The following ABCC8 variants were observed in gnomAD, a reference collection of about 807,000 sequenced individuals.
ABCC8 encodes the protein ATP binding cassette subfamily C member 8.
A neutral mutation model predicts 188.0 loss-of-function variants in ABCC8; 137 were observed. The ratio of observed to expected loss-of-function variants is 0.73; its 90% CI spans 0.63 to 0.84. The LOEUF (loss-of-function observed/expected upper bound fraction) is 0.84. Ranked by LOEUF, ABCC8 falls within the 40% of genes least tolerant of loss-of-function variation. The pLI is 0.00. For synonymous variants in ABCC8, 797 were observed against 846.5 expected (o/e 0.94, Z 1.01); for missense variants, 1,750 against 2,072.7 (o/e 0.84, Z 3.02).
chr11:17,416,081 C>T lies in ABCC8; in HGVS notation c.2256-742G>A, dbSNP rs946512347. Among the ~76,000 whole-genome samples the T allele has an allele frequency of 2.0e-5, 3 of 152,206 alleles. 1 individual carries two copies. The highest frequency in any genetic ancestry group is 2.0e-4 in the Admixed American group (3 of 15,290). ...CAGAGGCTGAGCCTGTCATCACATA[C>T]TGACAGTTGGGGACAAGGAGGGAGA... On this transcript the variant is annotated intron_variant, in intron 17 of 38. Transcript: ENST00000389817.
At chr11:17,463,883 A>G (rs1208510376) in intron 3 of ABCC8, among the ~76,000 whole-genome samples, 1 of 152,228 alleles carries the variant, frequency 6.6e-6, no homozygotes, top group Non-Finnish European at 1.5e-5. Context: ...AAGAATGGGA[A>G]ATTTATTTAT....
intron 3 of ABCC8, among the ~76,000 whole-genome samples, chr11:17,469,068 C>A (rs543787535): frequency 7.6e-6 from 1 of 131,426 alleles, no homozygotes; most frequent in Non-Finnish European, 1.6e-5. Context: ...CTCCCTCCCT[C>A]CCTTCCCTCC....
At chr11:17,413,946 A>G (rs527253569) in intron 19 of ABCC8, among the ~76,000 whole-genome samples, 1 of 152,272 alleles carries the variant, frequency 6.6e-6, no homozygotes, top group Admixed American at 6.5e-5. Context: ...TATGTTGGTG[A>G]CAAACATGTA....
At chr11:17,425,725 G>A (rs1955549939) in intron 16 of ABCC8, among the ~76,000 whole-genome samples, 2 of 151,934 alleles carry the variant, frequency 1.3e-5, no homozygotes, top group South Asian at 4.2e-4. Context: ...TGGGATATAC[G>A]TGCAGAACGT....
In ABCC8 at chr11:17,413,467, A is replaced by T; in HGVS notation, c.2402T>A (p.Val801Asp). The T allele has an allele frequency of 6.2e-7, 1 of 1,613,928 alleles. No individual in the cohort carries two copies. Among genetic ancestry groups the T allele is most frequent in the Admixed American group, 1.7e-5 (1 of 60,020 alleles). ...SPFNKQRYKM[V>D]IEACSLQPDI... Reference sequence around the variant, plus strand: ...TGGCTGCAGAGAGCAGGCTTCAATGACCATCTTGTACCTGGCGTGGGTAGA... The same window carrying T: ...TGGCTGCAGAGAGCAGGCTTCAATGTCCATCTTGTACCTGGCGTGGGTAGA... Residue 801 changes from valine to aspartate, a missense_variant, in exon 20 of 39, where the codon GTC becomes GAC. Coordinates refer to ENST00000389817, the MANE Select transcript of ABCC8 (RefSeq NM_000352.6).
At chr11:17,436,057 C>T in intron 10 of ABCC8, 1 of 979,114 alleles carries the variant, frequency 1.0e-6, no homozygotes, top group African/African-American at 1.6e-5. Flanking sequence ...GTTCTTATTC[C>T]AGAACTGCTC....
Position 17,404,918 on chromosome 11 carries a change from C to T in ABCC8, c.3400-249G>A, listed in dbSNP as rs529326046. On this transcript the variant is annotated intron_variant, in intron 27 of 38. Transcript: ENST00000389817. This position sits in a 1 kb window ranked among gnomAD's most constrained non-coding sequence, Gnocchi z 4.7. ...TTGGGATTACAGGCACCTGCCACCACACCTGGCTAATTTTTGTATTTTTAA... is the reference window on the plus strand; with the variant it reads ...TTGGGATTACAGGCACCTGCCACCATACCTGGCTAATTTTTGTATTTTTAA... Among the ~76,000 whole-genome samples, 6 of 152,216 alleles carry T rather than the reference C, an allele frequency of 3.9e-5. No individual in the cohort carries two copies. The highest frequency in any genetic ancestry group is 1.4e-4 in the African/African-American group (6 of 41,520).
At chr11:17,398,632 A>T (rs1453717753) in intron 29 of ABCC8, 191 bp from the exon 30 acceptor site, 1 of 592,796 alleles carries the variant, frequency 1.7e-6, no homozygotes, top group African/African-American at 2.0e-5. Flanking sequence ...CCTGTCCAGA[A>T]TCCCCACCTC....
At chr11:17,418,196 G>A (rs2133493381) in intron 16 of ABCC8, among the ~76,000 whole-genome samples, 1 of 152,298 alleles carries the variant, frequency 6.6e-6, no homozygotes, top group Non-Finnish European at 1.5e-5. Context: ...GTAAGTAGCG[G>A]AGAAAATAGC....
Position 17,476,845 on chromosome 11 carries a change from T to G in ABCC8, c.-69A>C. On this transcript the variant is annotated 5_prime_UTR_variant, in exon 1 of 39. Coordinates refer to ENST00000389817, the MANE Select transcript of ABCC8 (RefSeq NM_000352.6). ...TGGCTCCGCGCGCCTGCCGCGCCTCTGTCCCTTGCAGCTCCGCCGCCCGGC... is the reference window on the plus strand; with the variant it reads ...TGGCTCCGCGCGCCTGCCGCGCCTCGGTCCCTTGCAGCTCCGCCGCCCGGC... 7.8e-7 allele frequency: 1 copy of G among 1,279,114 alleles called. No individual in the cohort carries two copies. Among genetic ancestry groups the G allele is most frequent in the Non-Finnish European group, 9.9e-7 (1 of 1,011,874 alleles). The allele number at this position is 1,279,114 out of a possible 1,614,324, so 79.2% of individuals were successfully genotyped here.
chr11:17,463,357 G>A, intron 4 of ABCC8, 81 bp downstream of exon 4: 1 of 1,204,306 alleles, frequency 8.3e-7, no homozygotes, highest in Non-Finnish European at 1.2e-6. Flanking sequence ...CTGAGAAGCA[G>A]GGTGGGGGCC....
At chr11:17,458,395 C>T (rs964933412) in intron 6 of ABCC8, among the ~76,000 whole-genome samples, 2 of 152,244 alleles carry the variant, frequency 1.3e-5, no homozygotes, top group African/African-American at 4.8e-5. Context: ...TAAGTGCTTT[C>T]GCCATCTCTT....
At chr11:17,393,153 T>C in intron 38 of ABCC8, 25 bp from the exon 39 acceptor site, 1 of 1,581,658 alleles carries the variant, frequency 6.3e-7, no homozygotes. Context: ...AGGGGGCGGG[T>C]CAGGATGGTG....
chr11:17,476,709 T>C lies in ABCC8; in HGVS notation c.68A>G (p.Asn23Ser). Residue 23 changes from asparagine to serine, a missense_variant, in exon 1 of 39, where the codon AAC (asparagine) becomes AGC (serine). Coordinates refer to ENST00000389817, the MANE Select transcript of ABCC8 (RefSeq NM_000352.6). Reference sequence around the variant, plus strand: ...GAGCGCGTCCACAAAGCAGCCGTTGTTGAGGACCCCCTGGTCCACCCGGTA... The same window carrying C: ...GAGCGCGTCCACAAAGCAGCCGTTGCTGAGGACCCCCTGGTCCACCCGGTA... ...AAYRVDQGVLNNGCFVDALNV... is the reference protein window; with the variant it reads ...AAYRVDQGVLSNGCFVDALNV... 1.2e-6 allele frequency: 2 copies of C among 1,611,392 alleles called. No individual in the cohort carries two copies. The highest frequency in any genetic ancestry group is 1.7e-6 in the Non-Finnish European group (2 of 1,178,944).
At chr11:17,462,634 C>T (rs1053074806) in intron 4 of ABCC8, among the ~76,000 whole-genome samples, 1 of 152,148 alleles carries the variant, frequency 6.6e-6, no homozygotes, top group African/African-American at 2.4e-5. Context: ...AAGAACTTGG[C>T]AACAAAGTAA....
chr11:17,433,578 C>G (rs911218492), intron 10 of ABCC8, among the ~76,000 whole-genome samples: 4 of 152,214 alleles, frequency 2.6e-5, no homozygotes, highest in Non-Finnish European at 5.9e-5. Flanking sequence ...TTAGGGGATT[C>G]CCAGTCTGAG....
intron 21 of ABCC8, among the ~76,000 whole-genome samples, chr11:17,411,575 T>A (rs1321351938): frequency 2.0e-5 from 3 of 152,102 alleles, no homozygotes; most frequent in African/African-American, 4.8e-5. Context: ...GCTTCCTTCT[T>A]CCAACTCACT....
Position 17,395,723 on chromosome 11 carries a change from A to G in ABCC8, c.4199-5T>C, listed in dbSNP as rs1292934995. The G allele has an allele frequency of 1.3e-6, 2 of 1,553,272 alleles. No homozygotes were observed. The highest frequency in any genetic ancestry group is 1.2e-5 in the South Asian group (1 of 84,166). ...TGCCATCAATGATGATGTGCCCTGCATGGGTCCCAGTGAGGGTGCAGGGGA... is the reference window on the plus strand; with the variant it reads ...TGCCATCAATGATGATGTGCCCTGCGTGGGTCCCAGTGAGGGTGCAGGGGA... On this transcript the variant is annotated splice_polypyrimidine_tract_variant and splice_region_variant and intron_variant, in intron 34 of 38. Coordinates refer to ENST00000389817, the MANE Select transcript of ABCC8 (RefSeq NM_000352.6).
intron 6 of ABCC8, among the ~76,000 whole-genome samples, chr11:17,458,493 C>G (rs1483819462): frequency 2.0e-5 from 3 of 151,956 alleles, no homozygotes; most frequent in South Asian, 2.1e-4. Context: ...TGTGGACACT[C>G]TGATAAGGGC....
Sources: allele counts gnomAD v4.1 joint callset (sites outside exome capture counted in the v4.1 genomes callset), GRCh38; gene constraint gnomAD v4.1.1; non-coding constraint Gnocchi (gnomAD v3.1); transcripts MANE v1.5; gene names NCBI Gene and HGNC (gene_info 2026-07-23, HGNC 2026-07-21).